The following GRIN2A variants were observed in gnomAD, a reference collection of about 807,000 sequenced individuals.
The protein encoded by GRIN2A is glutamate ionotropic receptor NMDA type subunit 2A, also known as glutamate receptor ionotropic, NMDA 2A.
A neutral mutation model predicts 113.4 loss-of-function variants in GRIN2A; 22 were observed. That is an observed-to-expected ratio of 0.19 (90% confidence interval 0.14 to 0.28). GRIN2A has a LOEUF of 0.28. Among genes scored for constraint, GRIN2A ranks in the 10% least tolerant of loss-of-function variants. GRIN2A has a pLI of 1.00. For missense variants in GRIN2A, 1,502 were observed against 1,887.0 expected (o/e 0.80, Z 3.78); for synonymous variants, 827 against 738.4 (o/e 1.12, Z -1.94).
At chr16:10,139,029 C>T (rs2049264502) in intron 2 of GRIN2A, among the ~76,000 whole-genome samples, 1 of 152,174 alleles carries the variant, frequency 6.6e-6, no homozygotes, top group Admixed American at 6.5e-5. Flanking sequence ...ACAGAACAGG[C>T]TTGGCCCAGT....
At chr16:10,152,726 A>G (rs146988317) in intron 2 of GRIN2A, among the ~76,000 whole-genome samples, 10 of 152,346 alleles carry the variant, frequency 6.6e-5, no homozygotes, top group African/African-American at 2.4e-4. Context: ...AAAAGATGGT[A>G]CATCCAGACA....
chr16:9,985,342 GT>G (rs1269305746), intron 2 of GRIN2A, among the ~76,000 whole-genome samples: 1 of 152,108 alleles, frequency 6.6e-6, no homozygotes, highest in African/African-American at 2.4e-5. Context: ...AGGAAGTGAT[GT>G]TTATTAGTCA....
At chr16:10,096,338 G>A (rs557105294) in intron 2 of GRIN2A, among the ~76,000 whole-genome samples, 60 of 152,178 alleles carry the variant, frequency 3.9e-4, no homozygotes, top group African/African-American at 1.2e-3. Context: ...CTAACCACCC[G>A]GAGACTTGTA....
intron 2 of GRIN2A, among the ~76,000 whole-genome samples, chr16:10,127,827 C>T (rs2048975552): frequency 6.6e-6 from 1 of 152,152 alleles, no homozygotes; most frequent in Non-Finnish European, 1.5e-5. Flanking sequence ...AAACCTCGCC[C>T]AAAAAGAAGT....
chr16:10,006,707 A>G (rs2046410260), intron 2 of GRIN2A, among the ~76,000 whole-genome samples: 1 of 152,134 alleles, frequency 6.6e-6, no homozygotes, highest in African/African-American at 2.4e-5. Context: ...TATGCTATCA[A>G]ACACTAGATC....
At chr16:9,814,871 T>C (rs1326902251) in intron 10 of GRIN2A, among the ~76,000 whole-genome samples, 2 of 151,844 alleles carry the variant, frequency 1.3e-5, no homozygotes, top group South Asian at 4.2e-4. Context: ...AAATACAAAA[T>C]TGACAGGGCA....
intron 2 of GRIN2A, among the ~76,000 whole-genome samples, chr16:10,020,334 G>A (rs1351761925): frequency 6.6e-6 from 1 of 152,116 alleles, no homozygotes; most frequent in African/African-American, 2.4e-5. Flanking sequence ...AACTCTTTGG[G>A]CTCAGTTTCT....
intron 2 of GRIN2A, among the ~76,000 whole-genome samples, chr16:10,089,470 A>ATG (rs2048144706): frequency 6.6e-6 from 1 of 152,176 alleles, no homozygotes; most frequent in African/African-American, 2.4e-5. Context: ...CGAGAAGCAT[A>ATG]TGGTGGGTTC....
At chr16:9,813,324 C>A (rs533094311) in intron 10 of GRIN2A, among the ~76,000 whole-genome samples, 1 of 152,020 alleles carries the variant, frequency 6.6e-6, no homozygotes, top group Non-Finnish European at 1.5e-5. Flanking sequence ...TGTATATATG[C>A]GTTGACAATA....
chr16:9,996,019 G>A (rs1266040349), intron 2 of GRIN2A, among the ~76,000 whole-genome samples: 1 of 73,844 alleles, frequency 1.4e-5, no homozygotes, highest in Non-Finnish European at 2.5e-5. Context: ...GCAGGCAGAG[G>A]GTGGCAAAAA....
chr16:9,822,703 A>G (rs1334544420), intron 9 of GRIN2A, among the ~76,000 whole-genome samples: 1 of 152,128 alleles, frequency 6.6e-6, no homozygotes, highest in Non-Finnish European at 1.5e-5. Flanking sequence ...TGGGTGCTCC[A>G]TAGGTATTTG....
chr16:9,943,687 G>A (rs2044946157), intron 2 of GRIN2A, among the ~76,000 whole-genome samples: 1 of 152,194 alleles, frequency 6.6e-6, no homozygotes, highest in African/African-American at 2.4e-5. Flanking sequence ...TGACTTCCCT[G>A]AGATCTACAT....
At chr16:10,056,426 T>C (rs1416187325) in intron 2 of GRIN2A, among the ~76,000 whole-genome samples, 7 of 152,096 alleles carry the variant, frequency 4.6e-5, no homozygotes, top group African/African-American at 1.7e-4. Flanking sequence ...TCCCTTCCCA[T>C]TCTACACCTA....
At chr16:9,843,318 G>T (rs961624217) in intron 5 of GRIN2A, among the ~76,000 whole-genome samples, 5 of 152,008 alleles carry the variant, frequency 3.3e-5, no homozygotes, top group African/African-American at 1.2e-4. Context: ...ATCCATGAAG[G>T]TGGGCAGATT....
chr16:9,978,732 T>C (rs749055747), intron 2 of GRIN2A, among the ~76,000 whole-genome samples: 2 of 152,166 alleles, frequency 1.3e-5, no homozygotes, highest in South Asian at 4.1e-4. Flanking sequence ...GAATCAACAA[T>C]TGGCATCCCT....
At chr16:10,181,159 A>C (rs1044759575) in intron 1 of GRIN2A, among the ~76,000 whole-genome samples, 9 of 1,668 alleles carry the variant, frequency 5.4e-3, no homozygotes, top group Non-Finnish European at 0.025. Context: ...GGGGCCGTGG[A>C]GAGTCCTTCA....
At chr16:9,840,427 T>A (rs1386225087) in intron 7 of GRIN2A, among the ~76,000 whole-genome samples, 2 of 151,978 alleles carry the variant, frequency 1.3e-5, no homozygotes, top group Non-Finnish European at 2.9e-5. Context: ...TCCCATCAGG[T>A]CTCTCCCTCA....
chr16:9,786,674 T>C (rs1233678380), intron 11 of GRIN2A, among the ~76,000 whole-genome samples: 1 of 152,162 alleles, frequency 6.6e-6, no homozygotes, highest in Admixed American at 6.5e-5. Context: ...AGTAACATCA[T>C]GTAAAGATTA....
chr16:9,938,868 ACT>A (rs2044785177), intron 2 of GRIN2A, among the ~76,000 whole-genome samples: 1 of 152,114 alleles, frequency 6.6e-6, no homozygotes, highest in Admixed American at 6.5e-5. Context: ...AACAGAACAA[ACT>A]CTATCTGACC....
Sources: gnomAD v4.1 joint callset for allele counts (sites outside exome capture counted in the v4.1 genomes callset) on GRCh38, gnomAD v4.1.1 for gene constraint, MANE v1.5 for transcripts, NCBI Gene and HGNC (gene_info 2026-07-23, HGNC 2026-07-21) for gene names.